The following DOCK7 variants were observed in gnomAD, a reference collection of about 807,000 sequenced individuals.
The protein encoded by DOCK7 is dedicator of cytokinesis 7.
A neutral mutation model predicts 271.0 loss-of-function variants in DOCK7; 138 were observed. The ratio of observed to expected loss-of-function variants is 0.51; its 90% confidence interval spans 0.44 to 0.59. The LOEUF (loss-of-function observed/expected upper bound fraction) is 0.59. DOCK7 is among the 20% of genes least tolerant of loss of function. The probability of loss-of-function intolerance (pLI) is 0.00; values close to 1 mark genes in which losing one functional copy is unlikely to be tolerated. For missense variants in DOCK7, 2,066 were observed against 2,592.4 expected, an observed-to-expected ratio of 0.80 and a Z score of 4.41; for synonymous variants, 823 against 876.1, an observed-to-expected ratio of 0.94 and a Z score of 1.07.
Position 62,578,944 on chromosome 1 carries a change from T to G in DOCK7, c.1894A>C (p.Ile632Leu), listed in dbSNP as rs1647025033. 1 of 1,585,116 alleles carries G rather than the reference T, an allele frequency of 6.3e-7. No individual in the cohort carries two copies. Among genetic ancestry groups the G allele is most frequent in the Admixed American group, 1.9e-5 (1 of 53,246 alleles). ...HNRSPDFHEEIKVKLPATLTD... is the reference protein window; with the variant it reads ...HNRSPDFHEELKVKLPATLTD... ...AAAGTAGCAGGAAGCTTAACCTTGA[T>G]TTCTTCATGAAAATCAGGAGACCTT... The change falls in exon 17 of 50, where the codon ATC becomes CTC. Residue 632 changes from isoleucine to leucine, a missense_variant. Physicochemically the swap from Ile to Leu is conservative, Grantham distance 5. Around this residue, in one of 2 missense-constraint regions of DOCK7, gnomAD observed 1,414 missense variants for 1,670.4 expected, o/e 0.85. Transcript: ENST00000635253.
chr1:62,619,308 A>C (rs1652840080), intron 13 of DOCK7, among the ~76,000 whole-genome samples: 1 of 152,210 alleles, frequency 6.6e-6, no homozygotes, highest in African/African-American at 2.4e-5. Context: ...ACCATTCTAG[A>C]AAATAATTTT....
At chr1:62,567,229 T>G (rs1261001200) in intron 18 of DOCK7, among the ~76,000 whole-genome samples, 1 of 152,212 alleles carries the variant, frequency 6.6e-6, no homozygotes, top group Non-Finnish European at 1.5e-5. Context: ...ATTATTCTAC[T>G]ATAAAGACAC....
At chr1:62,647,229 CAAT>C (rs1433947787) in intron 7 of DOCK7, among the ~76,000 whole-genome samples, 2 of 152,154 alleles carry the variant, frequency 1.3e-5, no homozygotes, top group Non-Finnish European at 2.9e-5. Flanking sequence ...CATAACACCT[CAAT>C]GATGTTAGCA....
chr1:62,528,266 G>C lies in DOCK7; in HGVS notation c.3821C>G (p.Thr1274Ser). 1 of 1,613,350 alleles carries C rather than the reference G, an allele frequency of 6.2e-7. No homozygotes were observed. Among genetic ancestry groups the C allele is most frequent in the Non-Finnish European group, 8.5e-7 (1 of 1,179,668 alleles). Residue 1274 changes from threonine (T) to serine (S), a missense_variant, in exon 31 of 50, where the codon ACT becomes AGT. By Grantham distance (58) the Thr-to-Ser change is moderately conservative. This residue lies in a region of DOCK7 where 1,414 missense variants were observed against 1,670.4 expected (regional missense o/e 0.85). Transcript: ENST00000635253. ...NQRGRPICIA[T>S]DDYESESGSM... Reference sequence around the variant, plus strand: ...TCCGCTCTCACTTTCATAATCATCAGTGGCTATACAAATTGGTCTTCCTCG... The same window carrying C: ...TCCGCTCTCACTTTCATAATCATCACTGGCTATACAAATTGGTCTTCCTCG...
chr1:62,613,317 C>T (rs558277762), intron 14 of DOCK7, among the ~76,000 whole-genome samples: 1 of 152,108 alleles, frequency 6.6e-6, no homozygotes, highest in Admixed American at 6.5e-5. Flanking sequence ...TAGAAACTAC[C>T]ATATATTTGT....
chr1:62,499,519 G>A lies in DOCK7; in HGVS notation c.4765-3022C>T, dbSNP rs1017441581. Among the ~76,000 whole-genome samples, 3 of 152,256 alleles carry A rather than the reference G, an allele frequency of 2.0e-5. No homozygotes were observed. The East Asian group carries it at 5.8e-4, about 29-fold the overall frequency. On this transcript the variant is annotated intron_variant, in intron 37 of 49. Transcript: ENST00000635253. Reference sequence around the variant, plus strand: ...TAAGGCAAGGAAAGGAAAGCAAAGAGTGAGGAATCCTAGGGCACAGATTTT... The same window carrying A: ...TAAGGCAAGGAAAGGAAAGCAAAGAATGAGGAATCCTAGGGCACAGATTTT...
At chr1:62,621,453 T>C (rs1369652721) in intron 12 of DOCK7, among the ~76,000 whole-genome samples, 3 of 152,220 alleles carry the variant, frequency 2.0e-5, no homozygotes, top group African/African-American at 4.8e-5. Flanking sequence ...GATTTTATTG[T>C]TTTATGCATA....
intron 7 of DOCK7, among the ~76,000 whole-genome samples, chr1:62,643,094 T>A (rs1027599628): frequency 1.3e-5 from 2 of 152,174 alleles, no homozygotes; most frequent in African/African-American, 4.8e-5. Flanking sequence ...GTCAGCCCAC[T>A]GGACAATGGG....
intron 14 of DOCK7, chr1:62,603,965 TC>T (rs780772940): frequency 6.2e-7 from 1 of 1,612,566 alleles, no homozygotes; most frequent in South Asian, 1.1e-5. Flanking sequence ...ACTTTTCTTT[TC>T]AGGAGAATTT....
rs2149385672 is a variant in DOCK7 at position 62,535,606 on chromosome 1, T to C, written c.3498A>G (p.Gln1166=). 6.2e-7 allele frequency: 1 copy of C among 1,613,932 alleles called. No homozygotes were observed. Among genetic ancestry groups the C allele is most frequent in the East Asian group, 2.2e-5 (1 of 44,842 alleles). ...SQSSGFSTNV[Q]DQKIANMFEL... Reference sequence around the variant, plus strand: ...CAAACATATTTGCAATCTTTTGGTCTTGTACATTCGTAGAAAATCCAGAAC... The same window carrying C: ...CAAACATATTTGCAATCTTTTGGTCCTGTACATTCGTAGAAAATCCAGAAC... The change falls in exon 29 of 50, where the codon CAA becomes CAG. Residue 1166 remains glutamine, a synonymous_variant. Transcript: ENST00000635253.
intron 14 of DOCK7, among the ~76,000 whole-genome samples, chr1:62,610,874 T>A (rs1232151629): frequency 6.6e-6 from 1 of 152,198 alleles, no homozygotes; most frequent in African/African-American, 2.4e-5. Context: ...GATGGGCATT[T>A]GGGTTGGTTC....
At position 62,457,699 on chromosome 1, in the gene DOCK7, T is replaced by G. The variant is rs748518061; in HGVS notation, c.6219A>C (p.Glu2073Asp). 6.2e-7 allele frequency: 1 copy of G among 1,612,764 alleles called. No homozygotes were observed. Among genetic ancestry groups the G allele is most frequent in the Non-Finnish European group, 8.5e-7 (1 of 1,179,684 alleles). Reference protein sequence around the residue: ...LCFKDFTKRCEDALRKNKSLI... With the variant: ...LCFKDFTKRCDDALRKNKSLI... ...AGCTCTTATTTTTTCTTAAGGCATC[T>G]TCACACCTAGGAAAAACAGGATGTT... Residue 2073 changes from glutamate to aspartate, a missense_variant, in exon 49 of 50, where the codon GAA becomes GAC. Glu to Asp is a conservative substitution (Grantham distance 45). Around this residue, in one of 2 missense-constraint regions of DOCK7, gnomAD observed 652 missense variants for 922.1 expected, o/e 0.71. Coordinates refer to ENST00000635253, the MANE Select transcript of DOCK7 (RefSeq NM_001367561.1).
chr1:62,660,998 C>G (rs1221172251), intron 2 of DOCK7, among the ~76,000 whole-genome samples: 3 of 151,132 alleles, frequency 2.0e-5, no homozygotes, highest in East Asian at 3.9e-4. Context: ...ACTCAGGAGG[C>G]TGATATGGGA....
At chr1:62,470,210 C>T (rs1236366264) in intron 48 of DOCK7, among the ~76,000 whole-genome samples, 1 of 152,138 alleles carries the variant, frequency 6.6e-6, no homozygotes, top group African/African-American at 2.4e-5. Flanking sequence ...GTGGTGTATA[C>T]ATACGATGGA....
intron 18 of DOCK7, among the ~76,000 whole-genome samples, chr1:62,567,529 A>C (rs1195379714): frequency 1.3e-5 from 2 of 151,206 alleles, no homozygotes; most frequent in East Asian, 3.9e-4. Flanking sequence ...GGGGAACATC[A>C]CACACTGGGG....
At chr1:62,463,556 A>G (rs1645590585) in intron 48 of DOCK7, among the ~76,000 whole-genome samples, 1 of 152,222 alleles carries the variant, frequency 6.6e-6, no homozygotes. Flanking sequence ...ACAAAACAGG[A>G]AACAACCAAA....
In DOCK7 at chr1:62,614,247, G is replaced by A. The variant is rs146535322; in HGVS notation, c.1682+4459C>T. Among the ~76,000 whole-genome samples the A allele has an allele frequency of 6.2e-4, 94 of 152,096 alleles. 2 individuals carry two copies. The East Asian group carries it at 0.016, about 25-fold the overall frequency. ...GATGATATTTGTATATTAGCTGTCA[G>A]CTGCTGAGGTTGTCATACATCCCTT... On this transcript the variant is annotated intron_variant, in intron 14 of 49. Transcript: ENST00000635253.
chr1:62,524,260 T>C (rs997576193), intron 31 of DOCK7, among the ~76,000 whole-genome samples: 1 of 152,206 alleles, frequency 6.6e-6, no homozygotes, highest in African/African-American at 2.4e-5. Context: ...AACTCTCATA[T>C]TGTATGTGTT....
chr1:62,626,196 T>C (rs1171025418), intron 11 of DOCK7, among the ~76,000 whole-genome samples: 1 of 152,002 alleles, frequency 6.6e-6, no homozygotes, highest in Non-Finnish European at 1.5e-5. Context: ...TGTATGAAAA[T>C]GCAAGAACAA....
Sources: allele counts gnomAD v4.1 joint callset (sites outside exome capture counted in the v4.1 genomes callset), GRCh38; gene constraint gnomAD v4.1.1; regional missense constraint gnomAD v4.1.1; transcripts MANE v1.5; gene names NCBI Gene and HGNC (gene_info 2026-07-23, HGNC 2026-07-21).